Variants in DNAJB6 observed in about 807,000 individuals in gnomAD.
The protein encoded by DNAJB6 is DnaJ heat shock protein family (Hsp40) member B6, also known as dnaJ homolog subfamily B member 6.
In DNAJB6, 16 loss-of-function variants were observed where a neutral mutation model predicts 42.7. The ratio of observed to expected loss-of-function variants is 0.37; its 90% CI spans 0.25 to 0.57. The LOEUF is 0.57. Ranked by LOEUF, DNAJB6 falls within the 20% of genes least tolerant of loss-of-function variation. The pLI is 0.74. For missense variants in DNAJB6, 347 were observed against 416.8 expected, an observed-to-expected ratio of 0.83 and a Z score of 1.46; for synonymous variants, 170 against 163.5, an observed-to-expected ratio of 1.04 and a Z score of -0.30.
chr7:157,370,557 A>G lies in DNAJB6; in HGVS notation c.346+3074A>G, dbSNP rs566314923. 2.6e-5 allele frequency among the ~76,000 whole-genome samples: 4 copies of G among 152,322 alleles called. No homozygotes were observed. The East Asian group carries it at 7.7e-4, about 29-fold the overall frequency. On this transcript the variant is annotated intron_variant, in intron 5 of 9. Transcript: ENST00000262177. ...ATCTGATACACCAAGCCATAGAGCAATTACTTGTAAAGAAGGTATAGAGAT... is the reference window on the plus strand; with the variant it reads ...ATCTGATACACCAAGCCATAGAGCAGTTACTTGTAAAGAAGGTATAGAGAT...
chr7:157,361,215 A>G (rs536473305), intron 2 of DNAJB6, among the ~76,000 whole-genome samples: 117 of 151,008 alleles, frequency 7.7e-4, no homozygotes, highest in African/African-American at 2.7e-3. Flanking sequence ...CTGGAGTTCA[A>G]TGGCGTGATC....
intron 8 of DNAJB6, among the ~76,000 whole-genome samples, chr7:157,406,102 C>G (rs746870140): frequency 1.4e-4 from 21 of 152,238 alleles, no homozygotes; most frequent in Admixed American, 3.3e-4. Flanking sequence ...TCCTCCTGTT[C>G]AGACCAACTG....
At chr7:157,410,354 C>A in intron 9 of DNAJB6, 1 of 428,470 alleles carries the variant, frequency 2.3e-6, no homozygotes, top group Non-Finnish European at 4.0e-6. Flanking sequence ...TGGCTTAGGC[C>A]GGGTGGTCTC....
At chr7:157,404,622 T>C (rs1043679417) in intron 8 of DNAJB6, among the ~76,000 whole-genome samples, 1 of 151,778 alleles carries the variant, frequency 6.6e-6, no homozygotes. Context: ...GCGATTCTTA[T>C]GCTTGAGCCT....
intron 8 of DNAJB6, among the ~76,000 whole-genome samples, chr7:157,407,610 GGAGCACCT>G (rs1182090572): frequency 6.6e-6 from 1 of 152,040 alleles, no homozygotes; most frequent in African/African-American, 2.4e-5. Context: ...TGGTACCCTG[GGAGCACCT>G]GTGCTGAGTC....
In DNAJB6 at chr7:157,382,375, C is replaced by T. The variant is rs199651553; in HGVS notation, c.476C>T (p.Thr159Ile). 215 of 1,483,304 alleles carry T rather than the reference C, an allele frequency of 1.4e-4. No homozygotes were observed. The highest frequency in any genetic ancestry group is 1.9e-4 in the Non-Finnish European group (206 of 1,100,412). 91.9% of individuals were successfully genotyped at this position (1,483,304 alleles called of 1,614,324 possible). Residue 159 changes from threonine (T) to isoleucine (I), a missense_variant and splice_region_variant, in exon 6 of 10, where the codon ACA (threonine) becomes ATA (isoleucine). Physicochemically the swap from Thr to Ile is moderately conservative, Grantham distance 89. Coordinates refer to ENST00000262177, the MANE Select transcript of DNAJB6 (RefSeq NM_058246.4). ...GGAAGTGGATTTTCTTCTTTTGATA[C>T]AGGTATTAAATCCCTAGGTTTAATC... Reference protein sequence around the residue: ...SFGSGFSSFDTGFTSFGSLGH... With the variant: ...SFGSGFSSFDIGFTSFGSLGH...
At chr7:157,348,397 T>A (rs982359371) in intron 1 of DNAJB6, among the ~76,000 whole-genome samples, 2 of 152,216 alleles carry the variant, frequency 1.3e-5, no homozygotes, top group African/African-American at 4.8e-5. Flanking sequence ...CCCAGTCTTA[T>A]TTTTTAATAT....
intron 1 of DNAJB6, among the ~76,000 whole-genome samples, chr7:157,356,100 A>G (rs1431256779): frequency 6.6e-6 from 1 of 152,162 alleles, no homozygotes; most frequent in African/African-American, 2.4e-5. Flanking sequence ...TGCTATATAT[A>G]GTGCTCAGAG....
At chr7:157,341,505 C>G (rs79829894) in intron 1 of DNAJB6, among the ~76,000 whole-genome samples, 3 of 152,102 alleles carry the variant, frequency 2.0e-5, no homozygotes, top group African/African-American at 7.2e-5. Flanking sequence ...ATGATTTTTC[C>G]CCCTTTGATA....
At position 157,362,427 on chromosome 7, in the gene DNAJB6, T is replaced by C. The variant is rs187446065; in HGVS notation, c.66-734T>C. ...TTCGCTCTTGTTGCCCAGGCTGGAGTGCAATGGTGCGATCTCGGCTCACCA... is the reference window on the plus strand; with the variant it reads ...TTCGCTCTTGTTGCCCAGGCTGGAGCGCAATGGTGCGATCTCGGCTCACCA... On this transcript the variant is annotated intron_variant, in intron 2 of 9. Coordinates refer to ENST00000262177, the MANE Select transcript of DNAJB6 (RefSeq NM_058246.4). Among the ~76,000 whole-genome samples the C allele has an allele frequency of 1.7e-3, 260 of 152,196 alleles. 1 individual carries two copies. Among genetic ancestry groups the C allele is most frequent in the African/African-American group, 6.1e-3 (252 of 41,516 alleles).
intron 5 of DNAJB6, chr7:157,372,004 T>C (rs957594516): frequency 1.3e-5 from 2 of 152,260 alleles, no homozygotes; most frequent in African/African-American, 4.8e-5. Context: ...TGATGCTCTG[T>C]AGCAATAGAG....
chr7:157,405,829 C>G (rs557285930), intron 8 of DNAJB6, among the ~76,000 whole-genome samples: 6 of 152,204 alleles, frequency 3.9e-5, no homozygotes, highest in African/African-American at 1.4e-4. Flanking sequence ...CTCCTGCAGC[C>G]GGTCTGTCCA....
intron 1 of DNAJB6, among the ~76,000 whole-genome samples, chr7:157,353,139 G>A (rs1403277547): frequency 6.7e-6 from 1 of 150,272 alleles, no homozygotes; most frequent in Admixed American, 6.8e-5. Flanking sequence ...TGTTGCCAAG[G>A]CTGGTCTTGA....
At chr7:157,403,943 G>T (rs1372960057) in intron 8 of DNAJB6, among the ~76,000 whole-genome samples, 1 of 152,092 alleles carries the variant, frequency 6.6e-6, no homozygotes, top group African/African-American at 2.4e-5. Flanking sequence ...GTTTCTTGAG[G>T]GTGGGAAGGA....
At chr7:157,341,115 C>T (rs1021227046) in intron 1 of DNAJB6, among the ~76,000 whole-genome samples, 4 of 151,912 alleles carry the variant, frequency 2.6e-5, no homozygotes, top group African/African-American at 7.3e-5. Context: ...AGCCAGGTGC[C>T]TGGCCAGATT....
chr7:157,361,406 C>G (rs1799587889), intron 2 of DNAJB6, among the ~76,000 whole-genome samples: 2 of 152,138 alleles, frequency 1.3e-5, no homozygotes, highest in African/African-American at 4.8e-5. Flanking sequence ...ATCTGCCTGC[C>G]TCAGCCTCCC....
intron 1 of DNAJB6, among the ~76,000 whole-genome samples, chr7:157,351,403 C>G (rs758575782): frequency 6.6e-6 from 1 of 151,708 alleles, no homozygotes; most frequent in Non-Finnish European, 1.5e-5. Flanking sequence ...CCGAGGAGGG[C>G]GGATCTACAA....
intron 1 of DNAJB6, among the ~76,000 whole-genome samples, chr7:157,358,226 A>G (rs1322995064): frequency 1.3e-5 from 2 of 152,228 alleles, no homozygotes; most frequent in Admixed American, 6.5e-5. Flanking sequence ...CTAGGAACAC[A>G]TGACAGACTT....
At position 157,416,320 on chromosome 7, in the gene DNAJB6, C is replaced by T; in HGVS notation, c.*222C>T. ...ACGTTTGGGACTTGGCCGCGACTCT[C>T]TGCTTCTCTCCAGCTCTCAATCTGC... On this transcript the variant is annotated 3_prime_UTR_variant, in exon 10 of 10. Transcript: ENST00000262177. 1.7e-6 allele frequency: 1 copy of T among 586,898 alleles called. No homozygotes were observed. 36.4% of individuals were successfully genotyped at this position (586,898 alleles called of 1,614,324 possible).
Sources: gnomAD v4.1 joint callset for allele counts (sites outside exome capture counted in the v4.1 genomes callset) on GRCh38, gnomAD v4.1.1 for gene constraint, MANE v1.5 for transcripts, NCBI Gene and HGNC (gene_info 2026-07-23, HGNC 2026-07-21) for gene names.